Variants in FAM91A1 observed in about 807,000 individuals in gnomAD.
The protein encoded by FAM91A1 is family with sequence similarity 91 member A1, also known as protein FAM91A1.
Under a neutral mutation model 113.5 loss-of-function variants are expected in FAM91A1, and 41 were observed. The ratio of observed to expected loss-of-function variants is 0.36; its 90% confidence interval spans 0.28 to 0.47. The LOEUF is 0.47. Among genes scored for constraint, FAM91A1 ranks in the 20% least tolerant of loss-of-function variants. FAM91A1 has a pLI of 1.00. For missense variants in FAM91A1, 696 were observed against 1,001.2 expected (o/e 0.70, Z 4.11); for synonymous variants, 307 against 347.9 (o/e 0.88, Z 1.31).
intron 8 of FAM91A1, among the ~76,000 whole-genome samples, chr8:123,781,752 T>C (rs1019247288): frequency 6.6e-6 from 1 of 152,208 alleles, no homozygotes. Context: ...CCCAAAGTGC[T>C]GGGATTACAG....
intron 15 of FAM91A1, among the ~76,000 whole-genome samples, chr8:123,791,562 G>T (rs1815386578): frequency 6.6e-6 from 1 of 152,094 alleles, no homozygotes; most frequent in South Asian, 2.1e-4. Flanking sequence ...TAGAATAATT[G>T]CTGGGTCTCC....
intron 18 of FAM91A1, among the ~76,000 whole-genome samples, chr8:123,802,412 G>A (rs1815708157): frequency 6.6e-6 from 1 of 152,150 alleles, no homozygotes; most frequent in Non-Finnish European, 1.5e-5. Context: ...CTACTGTAGG[G>A]AACATAGGAG....
In FAM91A1 at chr8:123,778,022, C is replaced by T; in HGVS notation, c.368-3C>T. On this transcript the variant is annotated splice_region_variant and splice_polypyrimidine_tract_variant and intron_variant, in intron 4 of 23. Coordinates refer to ENST00000334705, the MANE Select transcript of FAM91A1 (RefSeq NM_144963.4). ...TTTTTAAAGGAAAGACTCTTTTTTTCAGGTCTAAGGCTTCTTGGCATAGGA... is the reference window on the plus strand; with the variant it reads ...TTTTTAAAGGAAAGACTCTTTTTTTTAGGTCTAAGGCTTCTTGGCATAGGA... The T allele has an allele frequency of 6.2e-7, 1 of 1,608,518 alleles. No individual in the cohort carries two copies. The highest frequency in any genetic ancestry group is 8.5e-7 in the Non-Finnish European group (1 of 1,177,250).
rs1177825791 is a variant in FAM91A1 at position 123,768,509 on chromosome 8, T to A, written c.-194T>A. 5.8e-6 allele frequency: 3 copies of A among 515,208 alleles called. No individual in the cohort carries two copies. Among genetic ancestry groups the A allele is most frequent in the Non-Finnish European group, 1.0e-5 (3 of 293,206 alleles). 31.9% of individuals were successfully genotyped at this position (515,208 alleles called of 1,614,324 possible). A position where few individuals can be genotyped will look rare whatever the true frequency, so the allele number is the denominator to read the frequency against. On this transcript the variant is annotated 5_prime_UTR_variant, in exon 1 of 24. Transcript: ENST00000334705. ...TTCAGGCGATCCAGCCTCCAATCGC[T>A]GCTGCTCTTGTACTCGGTTGGCCCG...
At chr8:123,790,941 A>G (rs1396315263) in intron 15 of FAM91A1, among the ~76,000 whole-genome samples, 2 of 152,232 alleles carry the variant, frequency 1.3e-5, no homozygotes, top group African/African-American at 4.8e-5. Flanking sequence ...TTTTTGGTTA[A>G]TAAATACTAA....
intron 16 of FAM91A1, among the ~76,000 whole-genome samples, chr8:123,799,219 A>G (rs918554948): frequency 2.6e-5 from 4 of 152,220 alleles, no homozygotes; most frequent in African/African-American, 4.8e-5. Flanking sequence ...TTATAGATTG[A>G]GCAAAATGAG....
chr8:123,789,172 A>T (rs1815324877), intron 14 of FAM91A1, among the ~76,000 whole-genome samples: 1 of 152,194 alleles, frequency 6.6e-6, no homozygotes, highest in Non-Finnish European at 1.5e-5. Context: ...CTGTGTGTTC[A>T]GCAATGGTGA....
At chr8:123,796,165 CAG>C (rs142296630) in intron 15 of FAM91A1, among the ~76,000 whole-genome samples, 2,562 of 152,252 alleles carry the variant, frequency 0.017, 65 homozygotes, top group African/African-American at 0.058. Flanking sequence ...GCCTCTAAAT[CAG>C]GGGGTTATAA....
At chr8:123,775,985 A>T (rs539564131) in intron 3 of FAM91A1, among the ~76,000 whole-genome samples, 16 of 152,188 alleles carry the variant, frequency 1.1e-4, no homozygotes, top group Non-Finnish European at 2.2e-4. Flanking sequence ...AGAAAAGAAA[A>T]GAAAATTAAT....
chr8:123,773,653 T>C (rs1312577089), intron 1 of FAM91A1, among the ~76,000 whole-genome samples: 1 of 152,218 alleles, frequency 6.6e-6, no homozygotes, highest in African/African-American at 2.4e-5. Context: ...GCTACAATTA[T>C]CAAAGAGGGA....
At chr8:123,786,443 T>G in intron 11 of FAM91A1, 52 bp from the exon 12 acceptor site, 2 of 1,243,630 alleles carry the variant, frequency 1.6e-6, no homozygotes, top group Non-Finnish European at 2.4e-6. Context: ...GATATTTTAA[T>G]GTAAGGTCAT....
chr8:123,795,405 GTCA>G (rs1815490146), intron 15 of FAM91A1, among the ~76,000 whole-genome samples: 1 of 135,908 alleles, frequency 7.4e-6, no homozygotes, highest in Admixed American at 8.7e-5. Context: ...CTTTACAGCT[GTCA>G]TCATGATCGT....
rs781318333 is a variant in FAM91A1 at position 123,778,697 on chromosome 8, A to C, written c.474A>C (p.Pro158=). ...FRRKTARDLL[P]IKPVEIAIEA... ...GGAAAACAGCCCGTGATCTTCTACC[A>C]ATAAAGCCAGTGGAAATTGCCATAG... Residue 158 remains proline, a synonymous_variant, in exon 6 of 24, where the codon CCA becomes CCC. Transcript: ENST00000334705. The C allele has an allele frequency of 5.0e-6, 8 of 1,610,348 alleles. No individual in the cohort carries two copies. Among genetic ancestry groups the C allele is most frequent in the Non-Finnish European group, 5.9e-6 (7 of 1,178,890 alleles).
intron 15 of FAM91A1, among the ~76,000 whole-genome samples, chr8:123,796,883 G>GA (rs1815534957): frequency 6.6e-6 from 1 of 151,240 alleles, no homozygotes; most frequent in South Asian, 2.1e-4. Context: ...CCAACATGGT[G>GA]AAACCTGTCT....
Position 123,802,303 on chromosome 8 carries a change from T to C in FAM91A1, c.1809+2418T>C, listed in dbSNP as rs1815706003. The stretch of plus-strand genomic sequence containing the variant: ...ATGGATTTAAGAACTACTACAAATA[T>C]ACAATTAATAGAATTGATCAGATAT... On this transcript the variant is annotated intron_variant, in intron 18 of 23. Coordinates refer to ENST00000334705, the MANE Select transcript of FAM91A1 (RefSeq NM_144963.4). Among the ~76,000 whole-genome samples, 3 of 152,138 alleles carry C rather than the reference T, an allele frequency of 2.0e-5. No homozygotes were observed. In the South Asian group the frequency reaches 6.2e-4, roughly 32 times the overall value.
rs1348301935 is a variant in FAM91A1, at chr8:123,768,761, C to T, written c.59C>T (p.Ala20Val). 1 of 1,611,718 alleles carries T rather than the reference C, an allele frequency of 6.2e-7. No individual in the cohort carries two copies. The highest frequency in any genetic ancestry group is 8.5e-7 in the Non-Finnish European group (1 of 1,178,992). ...AACTACCCCTGGAACAAGTTGCCGG[C>T]CAACGTGAGACAGGTACGGCCGGAA... ...RHNYPWNKLP[A>V]NVRQSLGNSQ... Residue 20 changes from alanine (A) to valine (V), a missense_variant, in exon 1 of 24, where the codon GCC (alanine) becomes GTC (valine). Coordinates refer to ENST00000334705, the MANE Select transcript of FAM91A1 (RefSeq NM_144963.4).
intron 22 of FAM91A1, among the ~76,000 whole-genome samples, chr8:123,809,300 T>A (rs934660870): frequency 6.6e-6 from 1 of 152,196 alleles, no homozygotes; most frequent in Non-Finnish European, 1.5e-5. Flanking sequence ...CATGCTGATA[T>A]GGAGTATGAA....
At chr8:123,811,278 T>G (rs1032402040) in intron 23 of FAM91A1, 7 of 152,232 alleles carry the variant, frequency 4.6e-5, no homozygotes, top group Non-Finnish European at 8.8e-5. Flanking sequence ...GTGCAGGGCC[T>G]TCTGGCATAT....
At chr8:123,769,860 G>A (rs918311335) in intron 1 of FAM91A1, among the ~76,000 whole-genome samples, 9 of 152,338 alleles carry the variant, frequency 5.9e-5, no homozygotes, top group South Asian at 2.1e-4. Context: ...GGTCGAGAGT[G>A]AAATTCAGTT....
Sources: gnomAD v4.1 joint callset for allele counts (sites outside exome capture counted in the v4.1 genomes callset) on GRCh38, gnomAD v4.1.1 for gene constraint, MANE v1.5 for transcripts, NCBI Gene and HGNC (gene_info 2026-07-23, HGNC 2026-07-21) for gene names.